The following DPM1 variants were observed in gnomAD, a reference collection of about 807,000 sequenced individuals.
DPM1 encodes the protein dolichol-phosphate mannosyltransferase subunit 1.
Under a neutral mutation model 39.0 loss-of-function variants are expected in DPM1, and 27 were observed. That is an observed-to-expected ratio of 0.69 (90% confidence interval 0.51 to 0.95). The LOEUF (loss-of-function observed/expected upper bound fraction) is 0.95. Among genes scored for constraint, DPM1 ranks in the 40% least tolerant of loss-of-function variants. DPM1 has a pLI of 0.00. For missense variants in DPM1, 307 were observed against 315.6 expected (o/e 0.97, Z 0.21); for synonymous variants, 124 against 109.0 (o/e 1.14, Z -0.86).
At chr20:50,943,348 A>T (rs553565160) in intron 5 of DPM1, among the ~76,000 whole-genome samples, 1 of 152,216 alleles carries the variant, frequency 6.6e-6, no homozygotes, top group South Asian at 2.1e-4. Flanking sequence ...GTGCTACAAT[A>T]AACTTTTTTT....
intron 5 of DPM1, chr20:50,944,292 T>C (rs1394202463): frequency 6.6e-6 from 1 of 152,270 alleles, no homozygotes; most frequent in Non-Finnish European, 1.5e-5. Flanking sequence ...CTTCTTTTAT[T>C]AGCCATTTGG....
intron 5 of DPM1, chr20:50,944,745 G>A (rs1986156252): frequency 1.3e-5 from 2 of 152,140 alleles, no homozygotes; most frequent in Non-Finnish European, 2.9e-5. Context: ...GAGGTTTTGT[G>A]GTCTTTTGGG....
In DPM1 at chr20:50,958,517, A is replaced by G; in HGVS notation, c.7T>C (p.Ser3Pro). Reference sequence around the variant, plus strand: ...CGAGGACTACGACTGACTTCCAAGGAGGCCATGGCGGAACTGAGCCAGATG... The same window carrying G: ...CGAGGACTACGACTGACTTCCAAGGGGGCCATGGCGGAACTGAGCCAGATG... MA[S>P]LEVSRSPRRS... The change falls in exon 1 of 9, where the codon TCC (serine) becomes CCC (proline). Residue 3 changes from serine to proline, a missense_variant. Coordinates refer to ENST00000371588, the MANE Select transcript of DPM1 (RefSeq NM_003859.3). 6.2e-7 allele frequency: 1 copy of G among 1,613,174 alleles called. No homozygotes were observed. The highest frequency in any genetic ancestry group is 8.5e-7 in the Non-Finnish European group (1 of 1,179,916).
intron 1 of DPM1, among the ~76,000 whole-genome samples, chr20:50,955,552 G>A (rs780810682): frequency 5.9e-5 from 9 of 152,246 alleles, no homozygotes; most frequent in Middle Eastern, 3.4e-3. Context: ...AGAAAATCAC[G>A]TAATGACCTA....
At position 50,935,057 on chromosome 20, in the gene DPM1, T is replaced by A. The variant is rs554630003; in HGVS notation, c.*75A>T. The stretch of plus-strand genomic sequence containing the variant: ...TATATTTTATACTTTAAGAGTACAT[T>A]TTATACAAATCAGTAACCAGGCTTC... On this transcript the variant is annotated 3_prime_UTR_variant, in exon 9 of 9. Coordinates refer to ENST00000371588, the MANE Select transcript of DPM1 (RefSeq NM_003859.3). 4.5e-6 allele frequency: 4 copies of A among 891,554 alleles called. No homozygotes were observed. In the East Asian group the frequency reaches 9.7e-5, roughly 22 times the overall value. 55.2% of individuals were successfully genotyped at this position (891,554 alleles called of 1,614,324 possible).
chr20:50,941,283 AAT>A (rs1374248413), intron 6 of DPM1: 21 of 160,500 alleles, frequency 1.3e-4, no homozygotes, highest in African/African-American at 4.8e-4. Flanking sequence ...ACATTCATAT[AAT>A]ATATATACAC....
At position 50,935,242 on chromosome 20, in the gene DPM1, T is replaced by TAA. The variant is rs11480415; in HGVS notation, c.679-7_679-6insTT. The TAA allele has an allele frequency of 3.4e-3, 5,199 of 1,543,996 alleles. 95 individuals carry two copies. The African/African-American group carries it at 0.075, about 22-fold the overall frequency. ...TCCACAAATGATATTGGAACCTAGT[T>TAA]TAAAAAAAAAAAAGTAACGTTAGTC... On this transcript the variant is annotated splice_polypyrimidine_tract_variant and splice_region_variant and intron_variant, in intron 8 of 8. Coordinates refer to ENST00000371588, the MANE Select transcript of DPM1 (RefSeq NM_003859.3).
chr20:50,942,151 T>C (rs183695992), intron 5 of DPM1, 25 bp from the exon 6 acceptor site: 2 of 1,593,962 alleles, frequency 1.3e-6, no homozygotes, highest in African/African-American at 1.3e-5. Context: ...AGCTGTCAAT[T>C]AGAAAAAGCC....
At chr20:50,957,670 T>C (rs893018158) in intron 1 of DPM1, among the ~76,000 whole-genome samples, 1 of 152,280 alleles carries the variant, frequency 6.6e-6, no homozygotes, top group Non-Finnish European at 1.5e-5. Flanking sequence ...GCTATGTTTG[T>C]ACATGTTAAT....
At chr20:50,948,557 T>A in intron 3 of DPM1, 72 bp downstream of exon 3, 2 of 1,453,180 alleles carry the variant, frequency 1.4e-6, no homozygotes, top group South Asian at 1.1e-5. Context: ...TATTCCAAAC[T>A]GGGAAAATAC....
intron 7 of DPM1, among the ~76,000 whole-genome samples, chr20:50,938,990 GA>G (rs1438775861): frequency 1.3e-5 from 2 of 150,776 alleles, no homozygotes; most frequent in African/African-American, 2.4e-5. Context: ...TCAGAAAAAA[GA>G]AAAAAAAATT....
Position 50,958,478 on chromosome 20 carries a change from C to G in DPM1, c.46G>C (p.Glu16Gln), listed in dbSNP as rs754001081. 27 of 1,613,574 alleles carry G rather than the reference C, an allele frequency of 1.7e-5. No individual in the cohort carries two copies. In the African/African-American group the frequency reaches 2.5e-4, roughly 15 times the overall value. Residue 16 changes from glutamate to glutamine, a missense_variant, in exon 1 of 9, where the codon GAG (glutamate) becomes CAG (glutamine). By Grantham distance (29) the Glu-to-Gln change is conservative. Transcript: ENST00000371588. The stretch of plus-strand genomic sequence containing the variant: ...TGTCGTGGACTGCGCACTTCCAGCT[C>G]CCGCCGAGACCTGCGAGGACTACGA... Reference protein sequence around the residue: ...VSRSPRRSRRELEVRSPRQNK... With the variant: ...VSRSPRRSRRQLEVRSPRQNK...
intron 3 of DPM1, among the ~76,000 whole-genome samples, chr20:50,946,575 C>T (rs776131577): frequency 1.3e-5 from 2 of 152,320 alleles, no homozygotes; most frequent in African/African-American, 2.4e-5. Flanking sequence ...AAACCTGGTA[C>T]GCTAGACCCT....
chr20:50,942,176 A>G (rs768288503), intron 5 of DPM1, 50 bp from the exon 6 acceptor site: 26 of 1,509,928 alleles, frequency 1.7e-5, no homozygotes, highest in African/African-American at 2.7e-5. Flanking sequence ...AGCTTTCAAC[A>G]GTCATTTTCA....
At chr20:50,945,284 T>TTGTGTGTG (rs11474633) in intron 5 of DPM1, 6,195 of 157,006 alleles carry the variant, frequency 0.039, 164 homozygotes, top group South Asian at 0.061. Context: ...CAAATGTGTG[T>TTGTGTGTG]TGTGTGTGTG....
intron 2 of DPM1, 98 bp downstream of exon 2, chr20:50,955,088 T>A: frequency 9.8e-7 from 1 of 1,017,530 alleles, no homozygotes; most frequent in Non-Finnish European, 1.5e-6. Flanking sequence ...ATCTTTTCAG[T>A]TTCTAAACAA....
intron 5 of DPM1, chr20:50,944,765 TAATTA>T (rs1332544737): frequency 6.6e-6 from 1 of 152,258 alleles, no homozygotes. Context: ...GCTAAGAATT[TAATTA>T]TATTGCCTAC....
chr20:50,943,420 C>T (rs1202450008), intron 5 of DPM1, among the ~76,000 whole-genome samples: 2 of 137,858 alleles, frequency 1.5e-5, no homozygotes, highest in South Asian at 2.2e-4. Flanking sequence ...AGTGCAATGG[C>T]GCCATCTCGG....
rs562563988 is a variant in DPM1 at position 50,936,547 on chromosome 20, A to G, written c.564-285T>C. Among the ~76,000 whole-genome samples the G allele has an allele frequency of 3.3e-5, 5 of 152,378 alleles. No individual in the cohort carries two copies. In the East Asian group the frequency reaches 7.7e-4, roughly 23 times the overall value. ...TATCAGAAATTAGTGAAATACGGTA[A>G]AATGAATCATTTGATGCAGAACCAT... On this transcript the variant is annotated intron_variant, in intron 7 of 8. Transcript: ENST00000371588.
Sources: allele counts gnomAD v4.1 joint callset (sites outside exome capture counted in the v4.1 genomes callset), GRCh38; gene constraint gnomAD v4.1.1; transcripts MANE v1.5; gene names NCBI Gene and HGNC (gene_info 2026-07-23, HGNC 2026-07-21).